The following MELK variants were observed in gnomAD, a reference collection of about 807,000 sequenced individuals.
MELK encodes pEg3 kinase.
MELK carries 81 observed loss-of-function variants against 85.0 expected under a neutral mutation model. The ratio of observed to expected loss-of-function variants is 0.95; its 90% CI spans 0.80 to 1.15. The LOEUF is 1.15. Ranked by LOEUF, MELK falls within the 50% of genes most tolerant of loss-of-function variation. MELK has a pLI of 0.00. For missense variants in MELK, 754 were observed against 777.5 expected (o/e 0.97, Z 0.36); for synonymous variants, 252 against 265.0 (o/e 0.95, Z 0.48).
rs916764785 is a variant in MELK at position 36,615,700 on chromosome 9, T to G, written c.666+8027T>G. On this transcript the variant is annotated intron_variant, in intron 8 of 17. Coordinates refer to ENST00000298048, the MANE Select transcript of MELK (RefSeq NM_014791.4). ...CGGGGTCTCGGCCGGGCAGAGGCGC[T>G]CCTCACATCCCAGATGGGGCGGCGG... 2.6e-4 allele frequency among the ~76,000 whole-genome samples: 36 copies of G among 138,826 alleles called. No homozygotes were observed. In the East Asian group the frequency reaches 7.8e-3, roughly 30 times the overall value. The allele number at this position is 138,826 out of a possible 152,430, so 91.1% of individuals were successfully genotyped here. A position where few individuals can be genotyped will look rare whatever the true frequency, so the allele number is the denominator to read the frequency against.
chr9:36,637,468 G>A (rs1829330848), intron 10 of MELK, among the ~76,000 whole-genome samples: 2 of 152,150 alleles, frequency 1.3e-5, no homozygotes, highest in Admixed American at 1.3e-4. Context: ...ACATCGTTTT[G>A]ATTGAAACAA....
At position 36,572,966 on chromosome 9, in the gene MELK, CCTT is replaced by C. The variant is rs143350018; in HGVS notation, c.-77_-75del. 4,510 of 152,412 alleles carry C rather than the reference CCTT, an allele frequency of 0.03. 220 individuals carry two copies. The highest frequency in any genetic ancestry group is 0.1 in the African/African-American group (4,201 of 41,546). 9.4% of individuals were successfully genotyped at this position (152,412 alleles called of 1,614,324 possible). On this transcript the variant is annotated 5_prime_UTR_variant, in exon 1 of 18. Coordinates refer to ENST00000298048, the MANE Select transcript of MELK (RefSeq NM_014791.4). ...GTCTCTCAGGACAGCAGGCCCCTGT[CCTT>C]CTGTCGGGCGCCGCTCAGCCGTGCC...
chr9:36,644,789 T>G (rs1830076787), intron 11 of MELK, among the ~76,000 whole-genome samples: 1 of 152,200 alleles, frequency 6.6e-6, no homozygotes, highest in Non-Finnish European at 1.5e-5. Flanking sequence ...AACACTGAGT[T>G]TCCATGTTCT....
rs1448288559 is a variant in MELK at position 36,665,463 on chromosome 9, G to A, written c.1290G>A (p.Lys430=). ...LKNKENVYTP[K]SAVKNEEYFM... ...ACAAAGAAAATGTATATACTCCTAAGTCTGCTGTAAAGAATGAAGAGTACT... is the reference window on the plus strand; with the variant it reads ...ACAAAGAAAATGTATATACTCCTAAATCTGCTGTAAAGAATGAAGAGTACT... The change falls in exon 14 of 18, where the codon AAG becomes AAA. Residue 430 remains lysine, a synonymous_variant. Transcript: ENST00000298048. 4.3e-6 allele frequency: 7 copies of A among 1,613,016 alleles called. No homozygotes were observed. In the African/African-American group the frequency reaches 5.3e-5, roughly 12 times the overall value.
intron 12 of MELK, among the ~76,000 whole-genome samples, chr9:36,654,576 G>A (rs1413074511): frequency 9.2e-5 from 14 of 151,598 alleles, no homozygotes; most frequent in Admixed American, 3.3e-4. Flanking sequence ...GGCTGGTCTC[G>A]AACTCCAGAC....
At chr9:36,621,027 T>A (rs1287372573) in intron 8 of MELK, among the ~76,000 whole-genome samples, 3 of 151,436 alleles carry the variant, frequency 2.0e-5, no homozygotes, top group Non-Finnish European at 4.4e-5. Context: ...TCCCAGCACT[T>A]TGGGAGACTG....
intron 3 of MELK, among the ~76,000 whole-genome samples, chr9:36,587,608 G>C (rs950508799): frequency 6.7e-6 from 1 of 148,372 alleles, no homozygotes; most frequent in Non-Finnish European, 1.5e-5. Flanking sequence ...AGCCACTGTA[G>C]AGCCCCCCCG....
chr9:36,651,755 G>A lies in MELK; in HGVS notation c.931G>A (p.Asp311Asn). ...TTTTCTTTTCCTTTAGTGGCAGTAT[G>A]ATCACCTCACGGCTACCTATCTTCT... ...MEDLISLWQY[D>N]HLTATYLLLL... Residue 311 changes from aspartate (D) to asparagine (N), a missense_variant, in exon 12 of 18, where the codon GAT becomes AAT. Asp to Asn is a conservative substitution (Grantham distance 23). Coordinates refer to ENST00000298048, the MANE Select transcript of MELK (RefSeq NM_014791.4). 6.2e-7 allele frequency: 1 copy of A among 1,613,036 alleles called. No homozygotes were observed. The highest frequency in any genetic ancestry group is 2.2e-5 in the East Asian group (1 of 44,860).
intron 7 of MELK, among the ~76,000 whole-genome samples, chr9:36,603,114 A>G (rs1465364209): frequency 3.9e-5 from 6 of 152,108 alleles, no homozygotes; most frequent in Non-Finnish European, 7.4e-5. Context: ...TTTCCTATGT[A>G]ATTTTAAATT....
At chr9:36,641,683 C>T (rs546889677) in intron 10 of MELK, among the ~76,000 whole-genome samples, 1 of 151,510 alleles carries the variant, frequency 6.6e-6, no homozygotes, top group South Asian at 2.1e-4. Flanking sequence ...TCTCAGCTCC[C>T]CACAACCTCC....
chr9:36,669,397 C>T lies in MELK; in HGVS notation c.1496C>T (p.Pro499Leu). 2 of 1,595,864 alleles carry T rather than the reference C, an allele frequency of 1.3e-6. No homozygotes were observed. Among genetic ancestry groups the T allele is most frequent in the Non-Finnish European group, 1.7e-6 (2 of 1,173,104 alleles). Residue 499 changes from proline (P) to leucine (L), a missense_variant, in exon 15 of 18, where the codon CCT becomes CTT. Physicochemically the swap from Pro to Leu is moderately conservative, Grantham distance 98 (BLOSUM62 -3). Coordinates refer to ENST00000298048, the MANE Select transcript of MELK (RefSeq NM_014791.4). ...AAGTTAATGACAGGTGTCATTAGCC[C>T]TGAGAGGCGGTAAGTGTTTGGTTTT... is the stretch of plus-strand genomic sequence containing the variant. ...TDKLMTGVISPERRCRSVELD... is the reference protein window; with the variant it reads ...TDKLMTGVISLERRCRSVELD...
intron 16 of MELK, 56 bp downstream of exon 16, chr9:36,671,222 C>CTTT: frequency 8.5e-7 from 1 of 1,173,920 alleles, no homozygotes. Context: ...AATGGACTGC[C>CTTT]TTTTTTTTTT....
At chr9:36,658,032 C>T (rs76851355) in intron 13 of MELK, among the ~76,000 whole-genome samples, 1 of 151,714 alleles carries the variant, frequency 6.6e-6, no homozygotes, top group Non-Finnish European at 1.5e-5. Flanking sequence ...AAAACAGTTC[C>T]GTTACTCCTC....
At chr9:36,594,584 T>C in intron 4 of MELK, 44 bp from the exon 5 acceptor site, 1 of 1,582,152 alleles carries the variant, frequency 6.3e-7, no homozygotes, top group Non-Finnish European at 8.6e-7. Flanking sequence ...TGTGAAGTGA[T>C]TTTTTAAGTT....
At chr9:36,592,172 C>CTTTTTTTTTTTTT (rs35073009) in intron 4 of MELK, among the ~76,000 whole-genome samples, 2 of 117,324 alleles carry the variant, frequency 1.7e-5, no homozygotes, top group Non-Finnish European at 3.5e-5. Flanking sequence ...CATTTCTTTT[C>CTTTTTTTTTTTTT]TTTTTTTTTT....
chr9:36,597,167 G>A, intron 5 of MELK, 55 bp from the exon 6 acceptor site: 1 of 1,446,770 alleles, frequency 6.9e-7, no homozygotes, highest in Admixed American at 1.7e-5. Context: ...GCTAGAGGTG[G>A]GATGTGATAT....
intron 10 of MELK, among the ~76,000 whole-genome samples, chr9:36,638,443 G>T (rs528567198): frequency 2.0e-5 from 3 of 151,838 alleles, no homozygotes; most frequent in African/African-American, 7.3e-5. Flanking sequence ...GCGCCACCAC[G>T]CCCAGCTAAT....
chr9:36,670,021 T>G (rs1355736861), intron 15 of MELK, among the ~76,000 whole-genome samples: 1 of 152,200 alleles, frequency 6.6e-6, no homozygotes, highest in Non-Finnish European at 1.5e-5. Flanking sequence ...AACCCAGGTC[T>G]TCTCATTCCT....
chr9:36,616,077 G>A (rs921067029), intron 8 of MELK, among the ~76,000 whole-genome samples: 4 of 152,252 alleles, frequency 2.6e-5, no homozygotes, highest in East Asian at 1.9e-4. Flanking sequence ...GGCGCTCGCC[G>A]GCGCGGTGGC....
Sources: gnomAD v4.1 joint callset for allele counts (sites outside exome capture counted in the v4.1 genomes callset) on GRCh38, gnomAD v4.1.1 for gene constraint, MANE v1.5 for transcripts, NCBI Gene and HGNC (gene_info 2026-07-23, HGNC 2026-07-21) for gene names.